Variants in UBE2K observed in about 807,000 individuals in gnomAD.
The protein encoded by UBE2K is ubiquitin conjugating enzyme E2 K.
In UBE2K, 6 loss-of-function variants were observed where a neutral mutation model predicts 30.0. The ratio of observed to expected loss-of-function variants is 0.20; its 90% CI spans 0.11 to 0.39. The LOEUF (loss-of-function observed/expected upper bound fraction) is 0.39, where lower values mean the gene tolerates loss of function less well. UBE2K is among the 10% of genes least tolerant of loss of function. The pLI is 1.00. For missense variants in UBE2K, 61 were observed against 241.6 expected (o/e 0.25, Z 4.96); for synonymous variants, 86 against 83.7 (o/e 1.03, Z -0.15).
chr4:39,755,868 CTT>C (rs1721495882), intron 4 of UBE2K, 129 bp downstream of exon 4: 3 of 611,026 alleles, frequency 4.9e-6, no homozygotes, highest in Non-Finnish European at 8.3e-6. Context: ...TTAAAAGTCT[CTT>C]AAGTGCATAA....
chr4:39,779,748 T>TA lies in UBE2K; in HGVS notation c.*1315dup, dbSNP rs1449982847. 6.6e-6 allele frequency: 1 copy of TA among 152,230 alleles called. No homozygotes were observed. The highest frequency in any genetic ancestry group is 1.9e-4 in the East Asian group (1 of 5,202). 9.4% of individuals were successfully genotyped at this position (152,230 alleles called of 1,614,324 possible). ...ATGCAGGCAGTTCTATATATAGAAA[T>TA]ACAATTCTTTTTAAATTTTTAGGAC... is the stretch of plus-strand genomic sequence containing the variant. On this transcript the variant is annotated 3_prime_UTR_variant, in exon 7 of 7. Transcript: ENST00000261427.
intron 5 of UBE2K, among the ~76,000 whole-genome samples, chr4:39,777,296 A>G (rs1198433842): frequency 6.6e-6 from 1 of 152,230 alleles, no homozygotes; most frequent in Admixed American, 6.5e-5. Context: ...GTTACATCGT[A>G]AAAAATTATT....
rs955027566 is a variant in UBE2K at position 39,780,010 on chromosome 4, A to G, written c.*1576A>G. 6 of 152,184 alleles carry G rather than the reference A, an allele frequency of 3.9e-5. No individual in the cohort carries two copies. The highest frequency in any genetic ancestry group is 1.4e-4 in the African/African-American group (6 of 41,472). The allele number at this position is 152,184 out of a possible 1,614,324, so 9.4% of individuals were successfully genotyped here. On this transcript the variant is annotated 3_prime_UTR_variant, in exon 7 of 7. Transcript: ENST00000261427. ...CATTATTAAATATATTGTAATGTTA[A>G]AGATGTGAAGGTTCTTCCAAAAATT...
chr4:39,774,996 G>T, intron 5 of UBE2K, 63 bp downstream of exon 5: 1 of 1,110,790 alleles, frequency 9.0e-7, no homozygotes, highest in Non-Finnish European at 1.3e-6. Flanking sequence ...CACTTCAGTG[G>T]TTTGCACATT....
At chr4:39,755,767 C>T (rs1721490942) in intron 4 of UBE2K, 28 bp downstream of exon 4, 2 of 1,495,664 alleles carry the variant, frequency 1.3e-6, no homozygotes, top group South Asian at 1.2e-5. Context: ...CACCTTCTCT[C>T]CTTCTCATAT....
chr4:39,698,465 C>T (rs935046777), intron 1 of UBE2K, 75 bp downstream of exon 1: 5 of 1,381,904 alleles, frequency 3.6e-6, no homozygotes, highest in Non-Finnish European at 4.0e-6. Context: ...ACCCCGATAT[C>T]CCCGGTAGTC....
At chr4:39,727,219 A>G (rs1011742822) in intron 1 of UBE2K, among the ~76,000 whole-genome samples, 4 of 152,226 alleles carry the variant, frequency 2.6e-5, no homozygotes, top group Non-Finnish European at 5.9e-5. Flanking sequence ...TATATCACAT[A>G]CAGAGGATTG....
intron 3 of UBE2K, among the ~76,000 whole-genome samples, chr4:39,747,325 A>G (rs1464040130): frequency 6.6e-6 from 1 of 152,150 alleles, no homozygotes; most frequent in Non-Finnish European, 1.5e-5. Flanking sequence ...CCCAAACTGA[A>G]ACTTCGTACC....
chr4:39,735,093 T>C (rs1345818653), intron 1 of UBE2K, among the ~76,000 whole-genome samples: 2 of 152,238 alleles, frequency 1.3e-5, no homozygotes, highest in Non-Finnish European at 2.9e-5. Flanking sequence ...GTAAGAAGCC[T>C]TAAGAGGAGA....
At chr4:39,739,397 A>G (rs190162391) in intron 2 of UBE2K, among the ~76,000 whole-genome samples, 2 of 151,046 alleles carry the variant, frequency 1.3e-5, no homozygotes, top group African/African-American at 4.9e-5. Context: ...AGATTTTTTA[A>G]GACCCTAGAA....
At position 39,732,155 on chromosome 4, in the gene UBE2K, T is replaced by C. The variant is rs1203904670; in HGVS notation, c.64-5265T>C. Among the ~76,000 whole-genome samples, 17 of 152,332 alleles carry C rather than the reference T, an allele frequency of 1.1e-4. 2 individuals carry two copies. The South Asian group carries it at 2.7e-3, about 24-fold the overall frequency. ...TTAGCATTTACTGTGTGGCAGGCAT[T>C]GTTCTATATACTTTATTCGTTAAAT... is the stretch of plus-strand genomic sequence containing the variant. On this transcript the variant is annotated intron_variant, in intron 1 of 6. Transcript: ENST00000261427.
chr4:39,722,350 C>G (rs551196129), intron 1 of UBE2K, among the ~76,000 whole-genome samples: 6 of 152,220 alleles, frequency 3.9e-5, no homozygotes, highest in South Asian at 2.1e-4. Flanking sequence ...TTGTATACTT[C>G]ATATTGAATC....
At chr4:39,703,159 GTTTTTA>G (rs1718131063) in intron 1 of UBE2K, among the ~76,000 whole-genome samples, 2 of 152,060 alleles carry the variant, frequency 1.3e-5, no homozygotes, top group Non-Finnish European at 2.9e-5. Context: ...CCCGGTTAAT[GTTTTTA>G]TTTTTAGTAG....
intron 1 of UBE2K, among the ~76,000 whole-genome samples, chr4:39,732,049 T>TA (rs1273741661): frequency 1.3e-5 from 2 of 152,322 alleles, no homozygotes; most frequent in Admixed American, 6.5e-5. Context: ...TTATTCTCTT[T>TA]AAAAAATACA....
chr4:39,713,100 G>A (rs1280345155), intron 1 of UBE2K, among the ~76,000 whole-genome samples: 4 of 151,782 alleles, frequency 2.6e-5, no homozygotes, highest in South Asian at 2.1e-4. Flanking sequence ...CTGACCTCAG[G>A]TGATCCGCCT....
intron 1 of UBE2K, among the ~76,000 whole-genome samples, chr4:39,719,815 A>G (rs1719321564): frequency 6.6e-6 from 1 of 152,256 alleles, no homozygotes; most frequent in Non-Finnish European, 1.5e-5. Flanking sequence ...TATAGAATAT[A>G]GCACAGTTTT....
intron 4 of UBE2K, chr4:39,771,090 C>T (rs944317849): frequency 3.0e-5 from 49 of 1,612,544 alleles, no homozygotes; most frequent in Admixed American, 6.7e-5. Context: ...GGCATTTCTC[C>T]ACCACGTGCT....
intron 4 of UBE2K, among the ~76,000 whole-genome samples, chr4:39,760,809 A>AT (rs1460064457): frequency 7.2e-5 from 11 of 151,974 alleles, no homozygotes; most frequent in African/African-American, 2.7e-4. Flanking sequence ...ATTAAAACAA[A>AT]TAAAAAAATA....
At position 39,751,780 on chromosome 4, in the gene UBE2K, A is replaced by T. The variant is rs1007158846; in HGVS notation, c.217-3877A>T. ...TGGGAATTCCAGACCAGCCTGGCCA[A>T]CATGGTGAAACCCTGTCACTACTAA... On this transcript the variant is annotated intron_variant, in intron 3 of 6. Coordinates refer to ENST00000261427, the MANE Select transcript of UBE2K (RefSeq NM_005339.5). Among the ~76,000 whole-genome samples the T allele has an allele frequency of 3.3e-4, 51 of 152,266 alleles. 1 individual carries two copies. Among genetic ancestry groups the T allele is most frequent in the Admixed American group, 1.2e-3 (18 of 15,284 alleles).
Sources: allele counts gnomAD v4.1 joint callset (sites outside exome capture counted in the v4.1 genomes callset), GRCh38; gene constraint gnomAD v4.1.1; transcripts MANE v1.5; gene names NCBI Gene and HGNC (gene_info 2026-07-23, HGNC 2026-07-21).